Variants in ARHGAP32 observed in about 807,000 individuals in gnomAD.
The protein encoded by ARHGAP32 is Rho GTPase activating protein 32.
Under a neutral mutation model 186.5 loss-of-function variants are expected in ARHGAP32, and 51 were observed. The observed-to-expected ratio is 0.27, with a 90% CI of 0.22 to 0.35. The LOEUF is 0.35. ARHGAP32 is among the 10% of genes least tolerant of loss of function. ARHGAP32 has a pLI of 1.00. For missense variants in ARHGAP32, 2,186 were observed against 2,623.5 expected (o/e 0.83, Z 3.64); for synonymous variants, 950 against 964.3 (o/e 0.99, Z 0.27).
At chr11:128,991,366 T>G (rs1172824398) in intron 12 of ARHGAP32, among the ~76,000 whole-genome samples, 3 of 151,796 alleles carry the variant, frequency 2.0e-5, no homozygotes, top group African/African-American at 7.3e-5. Flanking sequence ...AACAAATGAG[T>G]CATTTAATAC....
At chr11:129,157,715 A>G (rs181636700) in intron 2 of ARHGAP32, among the ~76,000 whole-genome samples, 1 of 152,316 alleles carries the variant, frequency 6.6e-6, no homozygotes, top group East Asian at 1.9e-4. Context: ...ATTCAGATTC[A>G]GGAAATACAG....
At chr11:129,248,578 T>C (rs1236498507) in intron 1 of ARHGAP32, among the ~76,000 whole-genome samples, 1 of 152,182 alleles carries the variant, frequency 6.6e-6, no homozygotes, top group Non-Finnish European at 1.5e-5. Context: ...TTCCAACCTT[T>C]TGATTATTCT....
chr11:128,968,954 CGGGCAGGAA>C lies in ARHGAP32; in HGVS notation c.6250_6258del (p.Phe2084_Pro2086del). On this transcript the variant is annotated inframe_deletion, in exon 23 of 23. Transcript: ENST00000682385. ...TCAGGATGCTGCAAGGACAACTCTG[CGGGCAGGAA>C]GGCCCCTTGACCCAACGCTGTAGCA... The C allele has an allele frequency of 6.4e-7, 1 of 1,561,716 alleles. No homozygotes were observed.
At chr11:128,992,650 G>C (rs1337047752) in intron 12 of ARHGAP32, among the ~76,000 whole-genome samples, 1 of 152,076 alleles carries the variant, frequency 6.6e-6, no homozygotes, top group Non-Finnish European at 1.5e-5. Context: ...AGCCAGGCAT[G>C]GTGGTGGGCG....
chr11:129,158,185 A>ATTTTC (rs1943453242), intron 2 of ARHGAP32, among the ~76,000 whole-genome samples: 1 of 152,188 alleles, frequency 6.6e-6, no homozygotes, highest in Non-Finnish European at 1.5e-5. Flanking sequence ...CAAAATAACC[A>ATTTTC]GCTAGCATCA....
At chr11:129,208,210 T>C (rs1017516404) in intron 1 of ARHGAP32, among the ~76,000 whole-genome samples, 1 of 152,176 alleles carries the variant, frequency 6.6e-6, no homozygotes, top group African/African-American at 2.4e-5. Flanking sequence ...AATGAATTCA[T>C]CAGTTTCATA....
intron 2 of ARHGAP32, among the ~76,000 whole-genome samples, chr11:129,159,655 G>A (rs1164610215): frequency 6.6e-6 from 1 of 151,534 alleles, no homozygotes; most frequent in Non-Finnish European, 1.5e-5. Flanking sequence ...AAGAGAAGCT[G>A]GTACCATTCC....
chr11:129,137,707 A>G (rs1942965880), intron 2 of ARHGAP32, among the ~76,000 whole-genome samples: 1 of 152,062 alleles, frequency 6.6e-6, no homozygotes, highest in Non-Finnish European at 1.5e-5. Context: ...GGAGAAACCC[A>G]TATTCATTTC....
chr11:129,268,323 T>C (rs1240759813), intron 1 of ARHGAP32, among the ~76,000 whole-genome samples: 4 of 152,130 alleles, frequency 2.6e-5, no homozygotes, highest in Non-Finnish European at 5.9e-5. Flanking sequence ...CAGAAATGCA[T>C]GGAGTAGTGT....
At chr11:129,154,047 A>G (rs1328737030) in intron 2 of ARHGAP32, among the ~76,000 whole-genome samples, 2 of 152,080 alleles carry the variant, frequency 1.3e-5, no homozygotes, top group Non-Finnish European at 2.9e-5. Flanking sequence ...GAAAAAAAAA[A>G]TCCCATCACA....
intron 10 of ARHGAP32, among the ~76,000 whole-genome samples, chr11:129,051,953 CAAAAAAAAAAAA>C (rs36014500): frequency 1.5e-3 from 108 of 71,120 alleles, no homozygotes; most frequent in African/African-American, 5.6e-3. Flanking sequence ...GATTCTGTCT[CAAAAAAAAAAAA>C]AAAAAAAAAA....
At chr11:129,210,171 G>A (rs914429107) in intron 1 of ARHGAP32, among the ~76,000 whole-genome samples, 2 of 152,200 alleles carry the variant, frequency 1.3e-5, no homozygotes, top group African/African-American at 4.8e-5. Flanking sequence ...AGCCAGAGAA[G>A]CATTCATGTC....
At chr11:129,233,288 A>G (rs1221230896) in intron 1 of ARHGAP32, among the ~76,000 whole-genome samples, 1 of 152,158 alleles carries the variant, frequency 6.6e-6, no homozygotes, top group Non-Finnish European at 1.5e-5. Context: ...GTCACATATT[A>G]AAGACTTCTG....
chr11:129,086,648 T>A (rs139507066), intron 6 of ARHGAP32, among the ~76,000 whole-genome samples: 1 of 151,826 alleles, frequency 6.6e-6, no homozygotes, highest in Admixed American at 6.6e-5. Flanking sequence ...GGTGAAACCC[T>A]GTCTCTACTA....
rs183870521 is a variant in ARHGAP32 at position 129,155,155 on chromosome 11, A to C, written c.225+9164T>G. 1.2e-4 allele frequency among the ~76,000 whole-genome samples: 19 copies of C among 152,368 alleles called. No individual in the cohort carries two copies. In the East Asian group the frequency reaches 3.5e-3, roughly 28 times the overall value. On this transcript the variant is annotated intron_variant, in intron 2 of 22. Coordinates refer to ENST00000682385, the MANE Select transcript of ARHGAP32 (RefSeq NM_001378024.1). ...TTTCACAATAGAATGGCAGAGGTGA[A>C]TAGCTGCAAAAAGACCACATGTGGC...
intron 11 of ARHGAP32, among the ~76,000 whole-genome samples, chr11:129,037,246 C>T (rs1407703660): frequency 2.0e-5 from 3 of 152,124 alleles, no homozygotes; most frequent in Admixed American, 6.5e-5. Flanking sequence ...CCTATAATCC[C>T]AGCACTTTTG....
intron 1 of ARHGAP32, among the ~76,000 whole-genome samples, chr11:129,239,169 G>C (rs1944982871): frequency 6.6e-6 from 1 of 152,092 alleles, no homozygotes; most frequent in South Asian, 2.1e-4. Flanking sequence ...ATTTTTCTAA[G>C]CCCTCGCATA....
rs1372809949 is a variant in ARHGAP32, at chr11:128,970,780, G to A, written c.4433C>T (p.Pro1478Leu). Residue 1478 changes from proline to leucine, a missense_variant, in exon 23 of 23, where the codon CCT becomes CTT. By Grantham distance (98) the Pro-to-Leu change is moderately conservative. Coordinates refer to ENST00000682385, the MANE Select transcript of ARHGAP32 (RefSeq NM_001378024.1). The surrounding 1 kb of genome is among the most constrained non-coding windows in gnomAD (Gnocchi z 5.8). ...ALPLPLPVPQ[P>L]KHASQKTVYS... is the part of the protein sequence containing the mutation. ...AACTGTTTTCTGAGAAGCATGCTTA[G>A]GTTGTGGGACAGGAAGTGGTAAAGG... The A allele has an allele frequency of 6.2e-7, 1 of 1,614,216 alleles. No homozygotes were observed. The highest frequency in any genetic ancestry group is 8.5e-7 in the Non-Finnish European group (1 of 1,180,020).
intron 12 of ARHGAP32, among the ~76,000 whole-genome samples, chr11:128,995,412 T>G (rs1946171067): frequency 6.6e-6 from 1 of 152,218 alleles, no homozygotes; most frequent in African/African-American, 2.4e-5. Context: ...TTTTGCTATA[T>G]GCTGCCCAGG....
Sources: gnomAD v4.1 joint callset for allele counts (sites outside exome capture counted in the v4.1 genomes callset) on GRCh38, gnomAD v4.1.1 for gene constraint, Gnocchi (gnomAD v3.1) non-coding constraint, MANE v1.5 for transcripts, NCBI Gene and HGNC (gene_info 2026-07-23, HGNC 2026-07-21) for gene names.